RERE: variants seen among roughly 807,000 people sequenced by gnomAD.
RERE encodes the protein arginine-glutamic acid dipeptide repeats, also known as arginine-glutamic acid dipeptide repeats protein.
RERE carries 40 observed loss-of-function variants against 146.1 expected under a neutral mutation model. The observed-to-expected ratio is 0.27, with a 90% confidence interval of 0.21 to 0.36. The LOEUF (loss-of-function observed/expected upper bound fraction) is 0.36. RERE is among the 10% of genes least tolerant of loss of function. The pLI, the probability that RERE is intolerant of heterozygous loss-of-function variation, is 1.00. For synonymous variants in RERE, 1,003 were observed against 866.0 expected (o/e 1.16, Z -2.78); for missense variants, 1,933 against 2,138.7 (o/e 0.90, Z 1.90).
intron 12 of RERE, among the ~76,000 whole-genome samples, chr1:8,413,254 TTCATGC>T (rs1643662655): frequency 1.3e-5 from 2 of 152,150 alleles, no homozygotes; most frequent in African/African-American, 4.8e-5. Flanking sequence ...CATATATGCA[TTCATGC>T]ACACATGTGT....
intron 1 of RERE, among the ~76,000 whole-genome samples, chr1:8,791,251 C>A (rs1448150717): frequency 6.6e-6 from 1 of 152,182 alleles, no homozygotes; most frequent in Non-Finnish European, 1.5e-5. Flanking sequence ...AAGTGCTATG[C>A]AAATGCCCAA....
At chr1:8,461,009 T>A (rs1364341528) in intron 11 of RERE, among the ~76,000 whole-genome samples, 1 of 152,142 alleles carries the variant, frequency 6.6e-6, no homozygotes, top group Non-Finnish European at 1.5e-5. Flanking sequence ...GGAATCCCAG[T>A]GCAATAAGCA....
chr1:8,459,608 T>C (rs1018253963), intron 11 of RERE, among the ~76,000 whole-genome samples: 1 of 152,144 alleles, frequency 6.6e-6, no homozygotes. Flanking sequence ...TATGCAAACC[T>C]GTACACATAC....
chr1:8,689,287 TTA>T (rs1639156906), intron 1 of RERE, among the ~76,000 whole-genome samples: 1 of 152,104 alleles, frequency 6.6e-6, no homozygotes, highest in Non-Finnish European at 1.5e-5. Flanking sequence ...TGACTAAAGT[TTA>T]TAGTTTCTGG....
intron 1 of RERE, among the ~76,000 whole-genome samples, chr1:8,741,925 C>A (rs901392960): frequency 1.3e-5 from 2 of 151,860 alleles, no homozygotes; most frequent in Non-Finnish European, 2.9e-5. Context: ...TTGTCTCATG[C>A]CTAACAATTA....
chr1:8,613,351 C>T (rs1366951563), intron 4 of RERE, among the ~76,000 whole-genome samples: 2 of 152,212 alleles, frequency 1.3e-5, no homozygotes, highest in East Asian at 1.9e-4. Flanking sequence ...TCTTCAGTGA[C>T]GTCCTGCGGG....
intron 2 of RERE, among the ~76,000 whole-genome samples, chr1:8,644,867 CA>C (rs1458440323): frequency 1.3e-5 from 2 of 152,144 alleles, no homozygotes; most frequent in African/African-American, 2.4e-5. Context: ...AGAAAAAGAG[CA>C]AAGTAATTAT....
rs72867519 is a variant in RERE at position 8,508,045 on chromosome 1, A to C, written c.879+582T>G. Reference sequence around the variant, plus strand: ...TGAGCCATTGTGCCTGGCTTTAAAAATGTTTTAAATAAAAATATGTGATCA... The same window carrying C: ...TGAGCCATTGTGCCTGGCTTTAAAACTGTTTTAAATAAAAATATGTGATCA... On this transcript the variant is annotated intron_variant, in intron 8 of 22. Coordinates refer to ENST00000400908, the MANE Select transcript of RERE (RefSeq NM_001042681.2). 1.8e-3 allele frequency among the ~76,000 whole-genome samples: 268 copies of C among 152,346 alleles called. 1 individual carries two copies. Among genetic ancestry groups the C allele is most frequent in the African/African-American group, 5.2e-3 (215 of 41,578 alleles).
chr1:8,501,380 T>C (rs1326557214), intron 8 of RERE, among the ~76,000 whole-genome samples: 1 of 48,500 alleles, frequency 2.1e-5, no homozygotes, highest in African/African-American at 9.9e-5. Flanking sequence ...GGGAGGAAGG[T>C]GGGGGGTCAG....
At chr1:8,549,369 G>C (rs1645906934) in intron 6 of RERE, among the ~76,000 whole-genome samples, 1 of 152,042 alleles carries the variant, frequency 6.6e-6, no homozygotes, top group Non-Finnish European at 1.5e-5. Context: ...GGCCAAAGCT[G>C]GGCAATAAAA....
intron 1 of RERE, among the ~76,000 whole-genome samples, chr1:8,723,687 T>C (rs1245449771): frequency 6.6e-6 from 1 of 152,198 alleles, no homozygotes; most frequent in Non-Finnish European, 1.5e-5. Context: ...ATATATACTG[T>C]CCAAGTACTA....
intron 4 of RERE, among the ~76,000 whole-genome samples, chr1:8,569,278 AC>A (rs1055773348): frequency 6.6e-6 from 1 of 150,812 alleles, no homozygotes; most frequent in African/African-American, 2.4e-5. Flanking sequence ...AAAAAAGAGT[AC>A]AAATATCACA....
intron 11 of RERE, among the ~76,000 whole-genome samples, chr1:8,437,627 C>T (rs2124489040): frequency 6.6e-6 from 1 of 152,242 alleles, no homozygotes; most frequent in East Asian, 1.9e-4. Context: ...CATGATACCT[C>T]ACTCTTGCTG....
intron 4 of RERE, among the ~76,000 whole-genome samples, chr1:8,606,429 T>C (rs1646709482): frequency 6.6e-6 from 1 of 152,136 alleles, no homozygotes; most frequent in Admixed American, 6.6e-5. Flanking sequence ...CTAATATACA[T>C]ACTTTAAAAA....
intron 1 of RERE, among the ~76,000 whole-genome samples, chr1:8,666,104 C>A (rs985830594): frequency 6.6e-6 from 1 of 152,034 alleles, no homozygotes; most frequent in Non-Finnish European, 1.5e-5. Context: ...CCTTAAAAGC[C>A]GAGTTATCCA....
At chr1:8,789,301 A>AAAAAAAAAAAAAAAATATATAT in intron 1 of RERE, among the ~76,000 whole-genome samples, 6 of 24,808 alleles carry the variant, frequency 2.4e-4, no homozygotes, top group African/African-American at 9.3e-4. Context: ...AAAAAAAAAA[A>AAAAAAAAAAAAAAAATATATAT]ATATATATAT....
At chr1:8,553,837 A>G (rs983325584) in intron 6 of RERE, among the ~76,000 whole-genome samples, 6 of 152,292 alleles carry the variant, frequency 3.9e-5, no homozygotes, top group Admixed American at 3.9e-4. Context: ...AAATTCATGG[A>G]AATCAGATGG....
At chr1:8,430,643 G>T (rs1042752718) in intron 11 of RERE, among the ~76,000 whole-genome samples, 3 of 152,170 alleles carry the variant, frequency 2.0e-5, no homozygotes, top group African/African-American at 7.2e-5. Context: ...TCCTCAAGTA[G>T]CAACTCATGA....
intron 1 of RERE, among the ~76,000 whole-genome samples, chr1:8,679,578 T>A (rs1638918522): frequency 6.6e-6 from 1 of 152,184 alleles, no homozygotes; most frequent in South Asian, 2.1e-4. Flanking sequence ...ACAGGCTATA[T>A]GTAATGACAG....
Sources: allele counts gnomAD v4.1 joint callset (sites outside exome capture counted in the v4.1 genomes callset), GRCh38; gene constraint gnomAD v4.1.1; transcripts MANE v1.5; gene names NCBI Gene and HGNC (gene_info 2026-07-23, HGNC 2026-07-21).